The following SLIT2 variants were observed in gnomAD, a reference collection of about 807,000 sequenced individuals.
SLIT2 encodes the protein slit homolog 2 protein.
SLIT2 carries 41 observed loss-of-function variants against 185.7 expected under a neutral mutation model. The observed-to-expected ratio is 0.22, with a 90% confidence interval of 0.17 to 0.29. The LOEUF (loss-of-function observed/expected upper bound fraction) is 0.29, where lower values mean the gene tolerates loss of function less well. SLIT2 is among the 10% of genes least tolerant of loss of function. The probability of loss-of-function intolerance (pLI) is 1.00; values close to 1 mark genes in which losing one functional copy is unlikely to be tolerated. For missense variants in SLIT2, 1,571 were observed against 1,909.0 expected (o/e 0.82, Z 3.30); for synonymous variants, 693 against 680.2 (o/e 1.02, Z -0.29).
At chr4:20,366,397 C>T (rs1390310309) in intron 4 of SLIT2, among the ~76,000 whole-genome samples, 1 of 152,114 alleles carries the variant, frequency 6.6e-6, no homozygotes, top group East Asian at 1.9e-4. Context: ...ATATGATTAG[C>T]CTTGGTTGGC....
intron 4 of SLIT2, among the ~76,000 whole-genome samples, chr4:20,343,772 G>T (rs964355313): frequency 3.6e-5 from 5 of 137,770 alleles, no homozygotes; most frequent in African/African-American, 8.3e-5. Flanking sequence ...CTCCCAAAGT[G>T]TTGGGATTAT....
At chr4:20,525,228 A>C in intron 15 of SLIT2, 56 bp downstream of exon 15, 1 of 1,315,852 alleles carries the variant, frequency 7.6e-7, no homozygotes, top group Non-Finnish European at 1.1e-6. Context: ...CACCTTATAA[A>C]ATATAGCTTC....
chr4:20,278,405 T>C (rs1319501782), intron 4 of SLIT2, among the ~76,000 whole-genome samples: 4 of 152,166 alleles, frequency 2.6e-5, no homozygotes, highest in African/African-American at 7.2e-5. Flanking sequence ...AGCAATTATG[T>C]AGGCACTTTT....
intron 4 of SLIT2, among the ~76,000 whole-genome samples, chr4:20,451,391 C>T (rs1185338131): frequency 6.6e-6 from 1 of 152,202 alleles, no homozygotes; most frequent in Non-Finnish European, 1.5e-5. Context: ...TAAAGGATGT[C>T]TCCTTTGTTC....
intron 24 of SLIT2, among the ~76,000 whole-genome samples, chr4:20,549,682 G>T (rs1426583133): frequency 1.3e-5 from 2 of 151,482 alleles, no homozygotes; most frequent in East Asian, 3.9e-4. Context: ...TTTTTGTTCT[G>T]CCATTGTCTA....
chr4:20,290,855 A>G (rs774022652), intron 4 of SLIT2, among the ~76,000 whole-genome samples: 12 of 150,774 alleles, frequency 8.0e-5, no homozygotes, highest in Non-Finnish European at 1.3e-4. Context: ...GTAATAACCT[A>G]TATATCAGAA....
chr4:20,399,887 G>T (rs1028151953), intron 4 of SLIT2, among the ~76,000 whole-genome samples: 1 of 151,744 alleles, frequency 6.6e-6, no homozygotes, highest in African/African-American at 2.4e-5. Context: ...GTAGACAGTA[G>T]AGTGTCTGAG....
chr4:20,503,575 G>A (rs1191375467), intron 9 of SLIT2, among the ~76,000 whole-genome samples: 2 of 92,654 alleles, frequency 2.2e-5, no homozygotes, highest in Non-Finnish European at 4.7e-5. Context: ...TTTTTTCCCC[G>A]AGTCTACACC....
At chr4:20,337,256 G>A (rs1720585074) in intron 4 of SLIT2, among the ~76,000 whole-genome samples, 1 of 152,142 alleles carries the variant, frequency 6.6e-6, no homozygotes, top group African/African-American at 2.4e-5. Flanking sequence ...GGAAGGCAAG[G>A]AGGAGCAAGT....
chr4:20,568,743 A>G (rs993464103), intron 28 of SLIT2, 122 bp from the exon 29 acceptor site: 26 of 831,918 alleles, frequency 3.1e-5, no homozygotes, highest in African/African-American at 5.1e-5. Flanking sequence ...TAAAAAATCA[A>G]TTTCTGGTAG....
At chr4:20,375,928 G>A (rs1191448225) in intron 4 of SLIT2, among the ~76,000 whole-genome samples, 1 of 151,708 alleles carries the variant, frequency 6.6e-6, no homozygotes, top group African/African-American at 2.4e-5. Context: ...GAACCACCAC[G>A]AGCTTGTCAT....
chr4:20,358,937 G>A (rs113788007), intron 4 of SLIT2, among the ~76,000 whole-genome samples: 3 of 151,908 alleles, frequency 2.0e-5, no homozygotes, highest in South Asian at 4.2e-4. Context: ...TGTAAAATTC[G>A]GACAATCATT....
rs140806587 is a variant in SLIT2, at chr4:20,546,049, A to G, written c.2295A>G (p.Gln765=). Residue 765 remains glutamine (Q), a synonymous_variant, in exon 22 of 37, where the codon CAA becomes CAG. Transcript: ENST00000504154. ...TTTTTAGGTATCTGGATGGAAACCAATTTACACTGGTTCCCAAGGAACTCT... is the reference window on the plus strand; with the variant it reads ...TTTTTAGGTATCTGGATGGAAACCAGTTTACACTGGTTCCCAAGGAACTCT... ...DVTELYLDGN[Q]FTLVPKELSN... 47 of 1,579,770 alleles carry G rather than the reference A, an allele frequency of 3.0e-5. No homozygotes were observed. Among genetic ancestry groups the G allele is most frequent in the African/African-American group, 2.3e-4 (17 of 74,234 alleles).
At chr4:20,483,860 T>C (rs745484606) in intron 6 of SLIT2, among the ~76,000 whole-genome samples, 1 of 152,138 alleles carries the variant, frequency 6.6e-6, no homozygotes, top group African/African-American at 2.4e-5. Context: ...AGAATGGAAG[T>C]TGACCATAAC....
chr4:20,374,658 C>T (rs1028392820), intron 4 of SLIT2, among the ~76,000 whole-genome samples: 1 of 151,796 alleles, frequency 6.6e-6, no homozygotes, highest in Admixed American at 6.6e-5. Flanking sequence ...CTTCTCTTCC[C>T]TTTCTCCTTC....
chr4:20,529,748 A>G (rs1385286435), intron 16 of SLIT2, among the ~76,000 whole-genome samples: 1 of 152,200 alleles, frequency 6.6e-6, no homozygotes, highest in East Asian at 1.9e-4. Flanking sequence ...GCCTTTACTG[A>G]CTTTATTTAT....
At chr4:20,307,344 C>T (rs889353685) in intron 4 of SLIT2, among the ~76,000 whole-genome samples, 40 of 150,244 alleles carry the variant, frequency 2.7e-4, no homozygotes, top group African/African-American at 9.1e-4. Flanking sequence ...CTCACTGCTG[C>T]CTTGAATTCC....
chr4:20,278,340 A>G (rs1474763760), intron 4 of SLIT2, among the ~76,000 whole-genome samples: 1 of 152,166 alleles, frequency 6.6e-6, no homozygotes, highest in East Asian at 1.9e-4. Flanking sequence ...AAATCTCTCA[A>G]TAAAAAGCCC....
At chr4:20,580,844 G>A (rs930041980) in intron 29 of SLIT2, among the ~76,000 whole-genome samples, 3 of 152,088 alleles carry the variant, frequency 2.0e-5, no homozygotes, top group Admixed American at 6.6e-5. Context: ...TTTGTGCACC[G>A]CTTATTACAG....
Sources: gnomAD v4.1 joint callset for allele counts (sites outside exome capture counted in the v4.1 genomes callset) on GRCh38, gnomAD v4.1.1 for gene constraint, MANE v1.5 for transcripts, NCBI Gene and HGNC (gene_info 2026-07-23, HGNC 2026-07-21) for gene names.